The following CASK variants were observed in gnomAD, a reference collection of about 807,000 sequenced individuals.
The protein encoded by CASK is calcium/calmodulin dependent serine protein kinase, also known as peripheral plasma membrane protein CASK.
Under a neutral mutation model 82.9 loss-of-function variants are expected in CASK, and 4 were observed. The ratio of observed to expected loss-of-function variants is 0.05; its 90% CI spans 0.02 to 0.11. The LOEUF is 0.11. Ranked by LOEUF, CASK falls within the 10% of genes least tolerant of loss-of-function variation. The pLI is 1.00. For missense variants in CASK, 358 were observed against 720.9 expected (o/e 0.50, Z 5.76); for synonymous variants, 259 against 253.5 (o/e 1.02, Z -0.20).
intron 3 of CASK, among the ~76,000 whole-genome samples, chrX:41,754,326 G>A (rs1252144864): frequency 9.0e-6 from 1 of 110,597 alleles, no homozygotes; most frequent in Non-Finnish European, 1.9e-5. Context: ...GCTTGAGCCT[G>A]GAAGGTCAAG....
chrX:41,656,777 G>A (rs2066947911), intron 8 of CASK, among the ~76,000 whole-genome samples: 2 of 110,812 alleles, frequency 1.8e-5, no homozygotes, highest in African/African-American at 6.6e-5. Flanking sequence ...CTTGACAAGA[G>A]GGGAGTATGC....
Position 41,833,673 on chromosome X carries a change from G to A in CASK, c.172+19442C>T, listed in dbSNP as rs745906565. Among the ~76,000 whole-genome samples, 10 of 111,962 alleles carry A rather than the reference G, an allele frequency of 8.9e-5. No homozygotes were observed. In the South Asian group the frequency reaches 3.7e-3, roughly 42 times the overall value. On this transcript the variant is annotated intron_variant, in intron 2 of 26. Coordinates refer to ENST00000378163, the MANE Select transcript of CASK (RefSeq NM_001367721.1). ...AATAAACCTATTTGAAAAAAACCAA[G>A]TATACGGGAATAGATGGAGTTCTGT...
At chrX:41,685,307 C>T (rs1297792313) in intron 5 of CASK, among the ~76,000 whole-genome samples, 1 of 111,560 alleles carries the variant, frequency 9.0e-6, no homozygotes, top group Non-Finnish European at 1.9e-5. Context: ...GCACTCTTCC[C>T]CCACTCCCAA....
At chrX:41,916,840 G>A (rs936818345) in intron 1 of CASK, among the ~76,000 whole-genome samples, 1 of 111,946 alleles carries the variant, frequency 8.9e-6, no homozygotes, top group African/African-American at 3.3e-5. Context: ...TGGGGCAAGG[G>A]AAATGGAAGA....
chrX:41,903,724 CT>C (rs1350044665), intron 1 of CASK, among the ~76,000 whole-genome samples: 1 of 111,409 alleles, frequency 9.0e-6, no homozygotes, highest in East Asian at 2.8e-4. Context: ...GATTGAGACT[CT>C]TAGATCAGTG....
intron 5 of CASK, among the ~76,000 whole-genome samples, chrX:41,734,511 A>G (rs982926809): frequency 1.8e-5 from 2 of 112,267 alleles, no homozygotes; most frequent in Admixed American, 9.4e-5. Flanking sequence ...AAGTTTTCAC[A>G]TTCTTTCACA....
intron 5 of CASK, chrX:41,675,874 A>G: frequency 8.3e-7 from 1 of 1,204,473 alleles, no homozygotes; most frequent in Non-Finnish European, 1.1e-6. Context: ...ATGACTCTTC[A>G]ATTAATGTAT....
chrX:41,586,802 G>A (rs1291181160), intron 14 of CASK, 105 bp downstream of exon 14: 3 of 529,575 alleles, frequency 5.7e-6, no homozygotes, highest in Non-Finnish European at 1.0e-5. Context: ...CATATGATAT[G>A]GATAAAAATG....
intron 3 of CASK, among the ~76,000 whole-genome samples, chrX:41,769,530 C>T (rs1168346547): frequency 9.0e-6 from 1 of 111,208 alleles, no homozygotes; most frequent in Non-Finnish European, 1.9e-5. Flanking sequence ...AAGCAATCAG[C>T]CCCTTCACAG....
intron 2 of CASK, among the ~76,000 whole-genome samples, chrX:41,826,126 G>A (rs2070659879): frequency 8.9e-6 from 1 of 111,956 alleles, no homozygotes; most frequent in African/African-American, 3.2e-5. Context: ...AGGCAACAAA[G>A]TTTAAGTTTA....
intron 2 of CASK, among the ~76,000 whole-genome samples, chrX:41,845,309 C>A (rs1181594132): frequency 9.0e-6 from 1 of 111,582 alleles, no homozygotes; most frequent in Non-Finnish European, 1.9e-5. Flanking sequence ...TTGCTGAATT[C>A]TCTATTTCTC....
intron 5 of CASK, among the ~76,000 whole-genome samples, chrX:41,715,734 G>C (rs10127408): frequency 8.0e-5 from 9 of 111,950 alleles, no homozygotes; most frequent in Non-Finnish European, 1.9e-5. Flanking sequence ...GTGGATAAAC[G>C]GGTACTGCAA....
At chrX:41,849,356 G>C (rs775686834) in intron 2 of CASK, among the ~76,000 whole-genome samples, 1 of 111,144 alleles carries the variant, frequency 9.0e-6, no homozygotes, top group East Asian at 2.8e-4. Flanking sequence ...AGTAGAGTAA[G>C]AGACAAAAAG....
At chrX:41,593,051 A>G (rs2065769880) in intron 12 of CASK, among the ~76,000 whole-genome samples, 1 of 111,676 alleles carries the variant, frequency 9.0e-6, no homozygotes, top group Non-Finnish European at 1.9e-5. Flanking sequence ...CAACTCACCT[A>G]AAGTTCAGTG....
intron 5 of CASK, among the ~76,000 whole-genome samples, chrX:41,723,757 A>T (rs2068206842): frequency 8.9e-6 from 1 of 112,045 alleles, no homozygotes; most frequent in South Asian, 3.7e-4. Context: ...ATAATATTTG[A>T]TTCTAGTAAG....
Position 41,916,469 on chromosome X carries a change from G to A in CASK, c.59+6461C>T, listed in dbSNP as rs140759646. Among the ~76,000 whole-genome samples the A allele has an allele frequency of 7.1e-3, 797 of 111,619 alleles. 9 individuals are homozygous for A. The highest frequency in any genetic ancestry group is 0.025 in the African/African-American group (762 of 30,670). On this transcript the variant is annotated intron_variant, in intron 1 of 26. Coordinates refer to ENST00000378163, the MANE Select transcript of CASK (RefSeq NM_001367721.1). ...GCATAAATCCAGAGCCATATTTGGT[G>A]CTTCTAGAATCTTCACTGTCAGTTG...
At chrX:41,862,366 C>A (rs1436454525) in intron 1 of CASK, among the ~76,000 whole-genome samples, 2 of 109,013 alleles carry the variant, frequency 1.8e-5, no homozygotes, top group Non-Finnish European at 3.8e-5. Flanking sequence ...CATGGTGAAA[C>A]CCTGTCTCTA....
At chrX:41,542,901 A>G (rs2064967773) in intron 21 of CASK, 95 bp from the exon 22 acceptor site, 1 of 549,993 alleles carries the variant, frequency 1.8e-6, no homozygotes, top group Non-Finnish European at 3.0e-6. Context: ...TATATAAAAC[A>G]GCATAACCAT....
chrX:41,623,234 A>G (rs1303244632), intron 10 of CASK, among the ~76,000 whole-genome samples: 1 of 111,901 alleles, frequency 8.9e-6, no homozygotes, highest in African/African-American at 3.2e-5. Context: ...GATTAAATGA[A>G]TTCTAGTAAA....
Sources: allele counts gnomAD v4.1 joint callset (sites outside exome capture counted in the v4.1 genomes callset), GRCh38; gene constraint gnomAD v4.1.1; transcripts MANE v1.5; gene names NCBI Gene and HGNC (gene_info 2026-07-23, HGNC 2026-07-21).